The following SH3PXD2A variants were observed in gnomAD, a reference collection of about 807,000 sequenced individuals.
SH3PXD2A encodes the protein SH3 and PX domain-containing protein 2A.
In SH3PXD2A, 32 loss-of-function variants were observed where a neutral mutation model predicts 115.2. The observed-to-expected ratio is 0.28, with a 90% CI of 0.21 to 0.37. The LOEUF is 0.37. Ranked by LOEUF, SH3PXD2A falls within the 10% of genes least tolerant of loss-of-function variation. SH3PXD2A has a pLI of 1.00. For missense variants in SH3PXD2A, 1,328 were observed against 1,498.7 expected (o/e 0.89, Z 1.88); for synonymous variants, 610 against 629.1 (o/e 0.97, Z 0.45).
chr10:103,771,665 G>A (rs1459313388), intron 2 of SH3PXD2A, among the ~76,000 whole-genome samples: 1 of 151,992 alleles, frequency 6.6e-6, no homozygotes, highest in Admixed American at 6.6e-5. Flanking sequence ...AACCTCGGAG[G>A]CGGAAGCTGC....
intron 2 of SH3PXD2A, among the ~76,000 whole-genome samples, chr10:103,780,536 G>C (rs530163174): frequency 1.1e-4 from 17 of 152,276 alleles, no homozygotes; most frequent in Admixed American, 5.2e-4. Flanking sequence ...CAGGAAATAA[G>C]AGTGGCTGGG....
chr10:103,626,982 A>C (rs776852177), intron 9 of SH3PXD2A, 107 bp downstream of exon 9: 19 of 677,004 alleles, frequency 2.8e-5, no homozygotes, highest in Non-Finnish European at 5.1e-5. Flanking sequence ...GGAGGCTAGG[A>C]TATGGCTCAG....
intron 6 of SH3PXD2A, among the ~76,000 whole-genome samples, chr10:103,681,125 T>C (rs966990900): frequency 2.0e-5 from 3 of 152,208 alleles, no homozygotes; most frequent in Admixed American, 6.5e-5. Flanking sequence ...CAAAACCTTC[T>C]GGAAATGAAA....
At chr10:103,692,374 C>T (rs1592303981) in intron 6 of SH3PXD2A, among the ~76,000 whole-genome samples, 1 of 151,306 alleles carries the variant, frequency 6.6e-6, no homozygotes, top group South Asian at 2.1e-4. Context: ...ACCTGTCAGG[C>T]CAATGCGGGG....
At chr10:103,839,087 T>C (rs572276341) in intron 1 of SH3PXD2A, among the ~76,000 whole-genome samples, 1 of 152,324 alleles carries the variant, frequency 6.6e-6, no homozygotes, top group East Asian at 1.9e-4. Context: ...TCACCAGCTC[T>C]GAAGGCGGCC....
intron 8 of SH3PXD2A, among the ~76,000 whole-genome samples, chr10:103,633,303 C>T (rs1031910888): frequency 6.6e-6 from 1 of 151,900 alleles, no homozygotes; most frequent in Non-Finnish European, 1.5e-5. Flanking sequence ...GTAATCCCAG[C>T]TACTGGGGAG....
chr10:103,733,927 C>T (rs2038351989), intron 4 of SH3PXD2A, among the ~76,000 whole-genome samples: 1 of 150,094 alleles, frequency 6.7e-6, no homozygotes, highest in Non-Finnish European at 1.5e-5. Context: ...TAATTTTAAA[C>T]TTTTTTTTTT....
chr10:103,733,731 A>C (rs1042233437), intron 4 of SH3PXD2A, among the ~76,000 whole-genome samples: 2 of 152,106 alleles, frequency 1.3e-5, no homozygotes, highest in African/African-American at 2.4e-5. Context: ...CCAGTTAATA[A>C]ATTTAGCAAG....
chr10:103,849,597 C>T (rs529932504), intron 1 of SH3PXD2A, among the ~76,000 whole-genome samples: 18 of 152,318 alleles, frequency 1.2e-4, no homozygotes, highest in African/African-American at 3.8e-4. Context: ...GGCTCCTGAC[C>T]TTCCATTCAC....
At chr10:103,759,596 G>A (rs997803713) in intron 3 of SH3PXD2A, among the ~76,000 whole-genome samples, 7 of 152,302 alleles carry the variant, frequency 4.6e-5, no homozygotes, top group African/African-American at 1.7e-4. Flanking sequence ...CCTGGCTTCT[G>A]AAGTCCCTCA....
chr10:103,667,596 A>G lies in SH3PXD2A; in HGVS notation c.472+1012T>C, dbSNP rs114614903. On this transcript the variant is annotated intron_variant, in intron 7 of 14. Transcript: ENST00000369774. Reference sequence around the variant, plus strand: ...TTCTCTTCTCCTCTGGACTCCTCCCAACACGTTTACCTCCCATTCCCCGCC... The same window carrying G: ...TTCTCTTCTCCTCTGGACTCCTCCCGACACGTTTACCTCCCATTCCCCGCC... Among the ~76,000 whole-genome samples, 805 of 152,232 alleles carry G rather than the reference A, an allele frequency of 5.3e-3. 6 individuals are homozygous for G. Among genetic ancestry groups the G allele is most frequent in the African/African-American group, 0.018 (744 of 41,522 alleles).
intron 1 of SH3PXD2A, among the ~76,000 whole-genome samples, chr10:103,816,180 C>T (rs540129452): frequency 1.6e-4 from 25 of 152,242 alleles, no homozygotes; most frequent in South Asian, 1.2e-3. Context: ...TAAAGAACTA[C>T]GTAAGGTGAT....
At chr10:103,632,867 C>T (rs950991101) in intron 8 of SH3PXD2A, among the ~76,000 whole-genome samples, 4 of 151,796 alleles carry the variant, frequency 2.6e-5, no homozygotes, top group African/African-American at 7.3e-5. Flanking sequence ...CCAAGTAACT[C>T]GAGAGGCTGA....
At chr10:103,614,447 A>G (rs2036477581) in intron 11 of SH3PXD2A, among the ~76,000 whole-genome samples, 3 of 152,222 alleles carry the variant, frequency 2.0e-5, no homozygotes, top group Admixed American at 2.0e-4. Context: ...ATGACTAGAT[A>G]AAACTAAAAC....
At chr10:103,702,214 T>C (rs1016302283) in intron 5 of SH3PXD2A, among the ~76,000 whole-genome samples, 7 of 152,242 alleles carry the variant, frequency 4.6e-5, no homozygotes, top group Non-Finnish European at 7.3e-5. Flanking sequence ...ACATCTTGAC[T>C]GAAGGTCTGT....
chr10:103,637,021 T>C (rs755797469), intron 8 of SH3PXD2A, among the ~76,000 whole-genome samples: 5 of 152,210 alleles, frequency 3.3e-5, no homozygotes, highest in Non-Finnish European at 5.9e-5. Flanking sequence ...CAGGAACATA[T>C]GGTGTATGCA....
chr10:103,686,622 C>G lies in SH3PXD2A; in HGVS notation c.427+6406G>C, dbSNP rs185317701. 1.6e-3 allele frequency among the ~76,000 whole-genome samples: 238 copies of G among 152,260 alleles called. 1 individual carries two copies. Among genetic ancestry groups the G allele is most frequent in the African/African-American group, 5.4e-3 (225 of 41,542 alleles). ...TGAACCCTGTGCACTTTGGGGCAAG[C>G]CAGGTCGCTGCTACTATAACAACCC... On this transcript the variant is annotated intron_variant, in intron 6 of 14. Transcript: ENST00000369774.
At chr10:103,760,807 T>C (rs1233048767) in intron 3 of SH3PXD2A, among the ~76,000 whole-genome samples, 1 of 152,128 alleles carries the variant, frequency 6.6e-6, no homozygotes, top group Non-Finnish European at 1.5e-5. Context: ...ATCCTCCTGT[T>C]TCAGCCTACT....
At chr10:103,754,819 C>T (rs1216202257) in intron 3 of SH3PXD2A, 4 of 152,296 alleles carry the variant, frequency 2.6e-5, no homozygotes, top group African/African-American at 9.6e-5. Context: ...TCTCCCCATG[C>T]ACCTCTACTT....
Sources: allele counts gnomAD v4.1 joint callset (sites outside exome capture counted in the v4.1 genomes callset), GRCh38; gene constraint gnomAD v4.1.1; transcripts MANE v1.5; gene names NCBI Gene and HGNC (gene_info 2026-07-23, HGNC 2026-07-21).